The following WSCD2 variants were observed in gnomAD, a reference collection of about 807,000 sequenced individuals.
WSCD2 encodes the protein WSC domain sialate O sulfotransferase 2.
Under a neutral mutation model 55.7 loss-of-function variants are expected in WSCD2, and 28 were observed. The ratio of observed to expected loss-of-function variants is 0.50; its 90% CI spans 0.37 to 0.69. The LOEUF is 0.69. Ranked by LOEUF, WSCD2 falls within the 30% of genes least tolerant of loss-of-function variation. WSCD2 has a pLI of 0.00. For missense variants in WSCD2, 616 were observed against 762.1 expected (o/e 0.81, Z 2.26); for synonymous variants, 301 against 301.9 (o/e 1.00, Z 0.03).
chr12:108,159,049 T>C (rs1351716602), intron 1 of WSCD2, among the ~76,000 whole-genome samples: 3 of 152,202 alleles, frequency 2.0e-5, no homozygotes, highest in African/African-American at 7.2e-5. Flanking sequence ...CTGTGGCCCC[T>C]AGAATAAAAT....
At chr12:108,213,030 T>C (rs182809044) in intron 4 of WSCD2, among the ~76,000 whole-genome samples, 3 of 152,186 alleles carry the variant, frequency 2.0e-5, no homozygotes, top group East Asian at 1.9e-4. Context: ...AGAGAGATGG[T>C]TGACAATGTT....
intron 1 of WSCD2, chr12:108,149,984 C>T (rs980594657): frequency 2.0e-5 from 3 of 152,130 alleles, no homozygotes; most frequent in African/African-American, 7.2e-5. Flanking sequence ...ACTTTGGATG[C>T]TTGGCCCAAG....
At chr12:108,135,133 C>T (rs530511967) in intron 1 of WSCD2, among the ~76,000 whole-genome samples, 12 of 152,172 alleles carry the variant, frequency 7.9e-5, no homozygotes, top group Admixed American at 2.6e-4. Context: ...TCCTTCCATC[C>T]GTCCGTCCAT....
At chr12:108,205,845 A>G (rs1885292607) in intron 2 of WSCD2, among the ~76,000 whole-genome samples, 1 of 152,258 alleles carries the variant, frequency 6.6e-6, no homozygotes, top group Non-Finnish European at 1.5e-5. Flanking sequence ...AAGTGAAATG[A>G]GGACCTAGAC....
intron 1 of WSCD2, among the ~76,000 whole-genome samples, chr12:108,164,026 C>T (rs1879343440): frequency 6.6e-6 from 1 of 151,748 alleles, no homozygotes; most frequent in African/African-American, 2.4e-5. Context: ...TTGCCTTTGA[C>T]ATCCCAGTGG....
chr12:108,208,774 G>A (rs1256247422), intron 3 of WSCD2, among the ~76,000 whole-genome samples: 2 of 152,212 alleles, frequency 1.3e-5, no homozygotes, highest in Non-Finnish European at 2.9e-5. Context: ...GTGTCTATCA[G>A]GGAAGTGGTC....
chr12:108,148,779 G>A (rs1470775376), intron 1 of WSCD2, among the ~76,000 whole-genome samples: 1 of 152,172 alleles, frequency 6.6e-6, no homozygotes, highest in East Asian at 1.9e-4. Context: ...CAGAAACCGG[G>A]CTAAACATTG....
intron 2 of WSCD2, among the ~76,000 whole-genome samples, chr12:108,202,208 C>T (rs1405403200): frequency 6.6e-6 from 1 of 152,100 alleles, no homozygotes; most frequent in Non-Finnish European, 1.5e-5. Flanking sequence ...GCAGCCTGCA[C>T]CAAAGGTCCG....
chr12:108,148,317 G>A (rs1384081454), intron 1 of WSCD2, among the ~76,000 whole-genome samples: 4 of 152,220 alleles, frequency 2.6e-5, no homozygotes, highest in Non-Finnish European at 5.9e-5. Flanking sequence ...TGCACACAAA[G>A]CCTGGGATGT....
At chr12:108,149,482 G>A (rs1336429388) in intron 1 of WSCD2, among the ~76,000 whole-genome samples, 5 of 152,020 alleles carry the variant, frequency 3.3e-5, no homozygotes. Flanking sequence ...CACCAACATC[G>A]GCCCCCACCA....
chr12:108,144,667 T>A lies in WSCD2; in HGVS notation c.-552+14741T>A, dbSNP rs144300153. On this transcript the variant is annotated intron_variant, in intron 1 of 8. Coordinates refer to ENST00000547525, the MANE Select transcript of WSCD2 (RefSeq NM_014653.4). Reference sequence around the variant, plus strand: ...TTCTAGGTGTCAGGAGCATGATAGGTACACAACAAAGCTTAGCTCCTCCTG... The same window carrying A: ...TTCTAGGTGTCAGGAGCATGATAGGAACACAACAAAGCTTAGCTCCTCCTG... Among the ~76,000 whole-genome samples, 509 of 152,216 alleles carry A rather than the reference T, an allele frequency of 3.3e-3. 4 individuals are homozygous for A. The highest frequency in any genetic ancestry group is 0.012 in the African/African-American group (481 of 41,538).
intron 2 of WSCD2, among the ~76,000 whole-genome samples, chr12:108,201,808 A>G (rs1361207007): frequency 6.6e-6 from 1 of 152,212 alleles, no homozygotes; most frequent in Non-Finnish European, 1.5e-5. Flanking sequence ...GCAAAATTCC[A>G]TGAAAAGATT....
rs1259085743 is a variant in WSCD2, at chr12:108,210,304, G to T, written c.681G>T (p.Arg227Ser). 8 of 1,572,298 alleles carry T rather than the reference G, an allele frequency of 5.1e-6. No homozygotes were observed. The highest frequency in any genetic ancestry group is 6.9e-6 in the Non-Finnish European group (8 of 1,162,178). Residue 227 changes from arginine (R) to serine (S), a missense_variant and splice_region_variant, in exon 4 of 9, where the codon AGG (arginine) becomes AGT (serine). By Grantham distance (110) the Arg-to-Ser change is moderately radical (BLOSUM62 -1). Around this residue, in one of 3 missense-constraint regions of WSCD2, gnomAD observed 374 missense variants for 467.4 expected, o/e 0.80. Coordinates refer to ENST00000547525, the MANE Select transcript of WSCD2 (RefSeq NM_014653.4). The surrounding 1 kb of genome is among the most constrained non-coding windows in gnomAD (Gnocchi z 4.3). ...RLQLAQESAR[R>S]YGSAVFRGCF... Reference sequence around the variant, plus strand: ...AGCTGGCCCAGGAGTCGGCCCGCAGGTGTACGTGAGTCTGCCCTGCCCCTC... The same window carrying T: ...AGCTGGCCCAGGAGTCGGCCCGCAGTTGTACGTGAGTCTGCCCTGCCCCTC...
At chr12:108,174,144 G>A (rs1330528990) in intron 1 of WSCD2, among the ~76,000 whole-genome samples, 2 of 152,100 alleles carry the variant, frequency 1.3e-5, no homozygotes, top group African/African-American at 2.4e-5. Flanking sequence ...ACAAGTGGCT[G>A]AGCAGGATTT....
rs183871881 is a variant in WSCD2 at position 108,230,920 on chromosome 12, C to G, written c.980-1811C>G. 1.6e-3 allele frequency among the ~76,000 whole-genome samples: 250 copies of G among 152,294 alleles called. 1 individual carries two copies. The highest frequency in any genetic ancestry group is 5.8e-3 in the African/African-American group (243 of 41,568). ...AGGAAACATGAAGGAATGTGGACAA[C>G]TCTGCTGGCAATGTGGCGGTGATGG... On this transcript the variant is annotated intron_variant, in intron 6 of 8. Coordinates refer to ENST00000547525, the MANE Select transcript of WSCD2 (RefSeq NM_014653.4).
Position 108,200,774 on chromosome 12 carries a change from A to G in WSCD2, c.382+4560A>G, listed in dbSNP as rs535134209. ...CCCCATTCAGTCATGGGGTATCACAACTGGCTTTCTGGGAAAGCATATAGG... is the reference window on the plus strand; with the variant it reads ...CCCCATTCAGTCATGGGGTATCACAGCTGGCTTTCTGGGAAAGCATATAGG... On this transcript the variant is annotated intron_variant, in intron 2 of 8. Transcript: ENST00000547525. 2.6e-5 allele frequency among the ~76,000 whole-genome samples: 4 copies of G among 152,312 alleles called. No individual in the cohort carries two copies. The East Asian group carries it at 7.7e-4, about 29-fold the overall frequency.
chr12:108,154,977 C>T (rs968134515), intron 1 of WSCD2, among the ~76,000 whole-genome samples: 5 of 152,044 alleles, frequency 3.3e-5, no homozygotes, highest in African/African-American at 9.7e-5. Context: ...TGAGACATGG[C>T]GAATATGCCC....
intron 1 of WSCD2, among the ~76,000 whole-genome samples, chr12:108,169,909 G>A (rs73199526): frequency 0.027 from 4,152 of 152,234 alleles, 76 homozygotes; most frequent in Non-Finnish European, 0.037. Context: ...CTCACTATTC[G>A]AGCAGCACAT....
At chr12:108,136,757 G>A (rs534023525) in intron 1 of WSCD2, among the ~76,000 whole-genome samples, 19 of 150,586 alleles carry the variant, frequency 1.3e-4, no homozygotes, top group African/African-American at 4.0e-4. Context: ...CTGCCTCCCC[G>A]CTCTGTCTTT....
Sources: allele counts gnomAD v4.1 joint callset (sites outside exome capture counted in the v4.1 genomes callset), GRCh38; gene constraint gnomAD v4.1.1; regional missense constraint gnomAD v4.1.1; non-coding constraint Gnocchi (gnomAD v3.1); transcripts MANE v1.5; gene names NCBI Gene and HGNC (gene_info 2026-07-23, HGNC 2026-07-21).